STX18: variants seen among roughly 807,000 people sequenced by gnomAD.
The protein encoded by STX18 is syntaxin-18.
In STX18, 40 loss-of-function variants were observed where a neutral mutation model predicts 50.1. That is an observed-to-expected ratio of 0.80 (90% CI 0.62 to 1.04). The LOEUF (loss-of-function observed/expected upper bound fraction) is 1.04. Ranked by LOEUF, STX18 falls within the 50% of genes least tolerant of loss-of-function variation. STX18 has a pLI of 0.00. For synonymous variants in STX18, 158 were observed against 151.8 expected (o/e 1.04, Z -0.30); for missense variants, 410 against 415.8 (o/e 0.99, Z 0.12).
chr4:4,493,107 C>T lies in STX18; in HGVS notation c.169-21401G>A, dbSNP rs971123552. Among the ~76,000 whole-genome samples, 7 of 152,300 alleles carry T rather than the reference C, an allele frequency of 4.6e-5. No homozygotes were observed. The Middle Eastern group carries it at 0.01, about 222-fold the overall frequency. Reference sequence around the variant, plus strand: ...ATCCATAAAGTGCTCAGAAAGTGTACTGTAAACACCAAGTAAAGTCAAACT... The same window carrying T: ...ATCCATAAAGTGCTCAGAAAGTGTATTGTAAACACCAAGTAAAGTCAAACT... On this transcript the variant is annotated intron_variant, in intron 1 of 10. Transcript: ENST00000306200.
chr4:4,457,717 T>A (rs1267115748), intron 3 of STX18, among the ~76,000 whole-genome samples: 1 of 152,220 alleles, frequency 6.6e-6, no homozygotes, highest in Non-Finnish European at 1.5e-5. Flanking sequence ...TATAGTCAAA[T>A]AATTTATGGT....
chr4:4,497,244 G>A (rs920593867), intron 1 of STX18, among the ~76,000 whole-genome samples: 10 of 152,180 alleles, frequency 6.6e-5, no homozygotes, highest in Non-Finnish European at 1.5e-4. Context: ...TGCTCTCAGA[G>A]GCACAGGCTG....
chr4:4,519,147 A>C (rs1190063480), intron 1 of STX18, among the ~76,000 whole-genome samples: 1 of 152,182 alleles, frequency 6.6e-6, no homozygotes, highest in East Asian at 1.9e-4. Context: ...TTTCTTGAAA[A>C]TTAAGCATGA....
chr4:4,517,274 A>G (rs554843235), intron 1 of STX18, among the ~76,000 whole-genome samples: 2 of 152,278 alleles, frequency 1.3e-5, no homozygotes, highest in South Asian at 4.1e-4. Flanking sequence ...TTCATTTTCT[A>G]TTCCCAAAAT....
chr4:4,480,727 A>G (rs1174661985), intron 1 of STX18, among the ~76,000 whole-genome samples: 2 of 152,198 alleles, frequency 1.3e-5, no homozygotes, highest in Non-Finnish European at 2.9e-5. Context: ...AAACATACTA[A>G]GGCAGCCACA....
In STX18 at chr4:4,420,308, T is replaced by C. The variant is rs1179806976; in HGVS notation, c.913-179A>G. ...GATCCACCAGAAGACAAATGGGTTA[T>C]ATTTCCCTCTGTTTGGCCATCATTT... On this transcript the variant is annotated intron_variant, in intron 10 of 10. Coordinates refer to ENST00000306200, the MANE Select transcript of STX18 (RefSeq NM_016930.4). The surrounding 1 kb of genome is among the most constrained non-coding windows in gnomAD (Gnocchi z 4.3). 1 of 586,652 alleles carries C rather than the reference T, an allele frequency of 1.7e-6. No individual in the cohort carries two copies. The highest frequency in any genetic ancestry group is 3.1e-6 in the Non-Finnish European group (1 of 327,464). The allele number at this position is 586,652 out of a possible 1,614,324, so 36.3% of individuals were successfully genotyped here.
intron 1 of STX18, among the ~76,000 whole-genome samples, chr4:4,474,718 A>G (rs1009236364): frequency 6.6e-6 from 1 of 152,182 alleles, no homozygotes; most frequent in Non-Finnish European, 1.5e-5. Flanking sequence ...GGTTTTGAAG[A>G]TGGGGAAAGG....
chr4:4,469,469 T>C (rs1181003083), intron 2 of STX18, among the ~76,000 whole-genome samples: 1 of 151,992 alleles, frequency 6.6e-6, no homozygotes, highest in East Asian at 1.9e-4. Flanking sequence ...GTCAAATGTA[T>C]AAACTAAAAG....
chr4:4,537,841 C>T (rs1037593442), intron 1 of STX18, among the ~76,000 whole-genome samples: 1 of 152,128 alleles, frequency 6.6e-6, no homozygotes, highest in Non-Finnish European at 1.5e-5. Context: ...CCCCAGGTTC[C>T]ATTCAGTATG....
At chr4:4,506,682 A>G (rs933200139) in intron 1 of STX18, among the ~76,000 whole-genome samples, 1 of 152,226 alleles carries the variant, frequency 6.6e-6, no homozygotes, top group African/African-American at 2.4e-5. Context: ...AACTCTATAG[A>G]TACTATGTTT....
chr4:4,451,454 T>C (rs960404217), intron 5 of STX18, among the ~76,000 whole-genome samples: 4 of 152,250 alleles, frequency 2.6e-5, no homozygotes, highest in African/African-American at 9.6e-5. Context: ...TCTGCAGATA[T>C]TGCATTTTTT....
At chr4:4,537,032 T>C (rs1731373457) in intron 1 of STX18, among the ~76,000 whole-genome samples, 1 of 152,222 alleles carries the variant, frequency 6.6e-6, no homozygotes, top group Non-Finnish European at 1.5e-5. Context: ...GGGTTCCTGC[T>C]TTCCTGTGCG....
intron 1 of STX18, 27 bp downstream of exon 1, chr4:4,541,770 C>A: frequency 6.3e-7 from 1 of 1,590,862 alleles, no homozygotes. Flanking sequence ...CCTCCTCAAC[C>A]CGCCGTTTCC....
At chr4:4,540,906 C>A (rs1355893252) in intron 1 of STX18, among the ~76,000 whole-genome samples, 1 of 152,172 alleles carries the variant, frequency 6.6e-6, no homozygotes, top group African/African-American at 2.4e-5. Context: ...TTTAGGGTCC[C>A]TCTCTTCAAT....
intron 1 of STX18, among the ~76,000 whole-genome samples, chr4:4,540,338 A>G (rs983577383): frequency 6.6e-6 from 1 of 152,212 alleles, no homozygotes; most frequent in African/African-American, 2.4e-5. Flanking sequence ...GCAATGATAC[A>G]CAAAGCCCTT....
At position 4,464,269 on chromosome 4, in the gene STX18, C is replaced by T. The variant is rs140524961; in HGVS notation, c.237-4782G>A. Among the ~76,000 whole-genome samples the T allele has an allele frequency of 3.6e-3, 555 of 152,318 alleles. 3 individuals are homozygous for T. Among genetic ancestry groups the T allele is most frequent in the African/African-American group, 0.013 (542 of 41,566 alleles). On this transcript the variant is annotated intron_variant, in intron 2 of 10. Coordinates refer to ENST00000306200, the MANE Select transcript of STX18 (RefSeq NM_016930.4). ...AGCTAGGGGAAGAGACGAGACAAGA[C>T]ACCTGTACTCCCACTGTCTATGGAG...
In STX18 at chr4:4,419,090, C is replaced by T. The variant is rs1273206385; in HGVS notation, c.*944G>A. ...CTGCCCAGTGGACTGTCTGTACACA[C>T]ACGCATTTCACCAGGCGCAGTGCAG... On this transcript the variant is annotated 3_prime_UTR_variant, in exon 11 of 11. Coordinates refer to ENST00000306200, the MANE Select transcript of STX18 (RefSeq NM_016930.4). 1.3e-5 allele frequency: 2 copies of T among 152,280 alleles called. No homozygotes were observed. The highest frequency in any genetic ancestry group is 2.9e-5 in the Non-Finnish European group (2 of 68,058). The allele number at this position is 152,280 out of a possible 1,614,324, so 9.4% of individuals were successfully genotyped here. A position where few individuals can be genotyped will look rare whatever the true frequency, so the allele number is the denominator to read the frequency against.
Position 4,420,690 on chromosome 4 carries a change from G to A in STX18, c.912+174C>T, listed in dbSNP as rs1015906049. The A allele has an allele frequency of 3.1e-5, 19 of 607,172 alleles. No individual in the cohort carries two copies. The highest frequency in any genetic ancestry group is 2.4e-4 in the African/African-American group (13 of 53,518). The allele number at this position is 607,172 out of a possible 1,614,324, so 37.6% of individuals were successfully genotyped here. A position where few individuals can be genotyped will look rare whatever the true frequency, so the allele number is the denominator to read the frequency against. On this transcript the variant is annotated intron_variant, in intron 10 of 10. Transcript: ENST00000306200. The surrounding 1 kb of genome is among the most constrained non-coding windows in gnomAD (Gnocchi z 4.3). ...CTCTCGAAAGCAGCTGGAGGTGGGC[G>A]ACAGGTGGTGGGTCTCATGAACACA... is the stretch of plus-strand genomic sequence containing the variant.
chr4:4,452,350 AC>A (rs1403492385), intron 5 of STX18, among the ~76,000 whole-genome samples: 5 of 152,268 alleles, frequency 3.3e-5, no homozygotes, highest in South Asian at 2.1e-4. Context: ...AAGTGGCTAT[AC>A]TAAACAACAG....
Sources: gnomAD v4.1 joint callset for allele counts (sites outside exome capture counted in the v4.1 genomes callset) on GRCh38, gnomAD v4.1.1 for gene constraint, Gnocchi (gnomAD v3.1) non-coding constraint, MANE v1.5 for transcripts, NCBI Gene and HGNC (gene_info 2026-07-23, HGNC 2026-07-21) for gene names.